Variants in CADPS2 observed in about 807,000 individuals in gnomAD.
CADPS2 encodes the protein calcium dependent secretion activator 2.
CADPS2 carries 93 observed loss-of-function variants against 172.5 expected under a neutral mutation model. The observed-to-expected ratio is 0.54, with a 90% CI of 0.46 to 0.64. CADPS2 has a LOEUF of 0.64. Among genes scored for constraint, CADPS2 ranks in the 30% least tolerant of loss-of-function variants. The pLI is 0.00. For synonymous variants in CADPS2, 546 were observed against 555.2 expected, an observed-to-expected ratio of 0.98 and a Z score of 0.23; for missense variants, 1,420 against 1,565.9, an observed-to-expected ratio of 0.91 and a Z score of 1.57.
chr7:122,728,685 T>C (rs188934489), intron 2 of CADPS2, among the ~76,000 whole-genome samples: 3 of 151,826 alleles, frequency 2.0e-5, no homozygotes, highest in East Asian at 3.9e-4. Context: ...CAGACACTTG[T>C]GCAACTGGAG....
chr7:122,347,045 T>C (rs1315336555), intron 27 of CADPS2, among the ~76,000 whole-genome samples: 1 of 152,166 alleles, frequency 6.6e-6, no homozygotes, highest in Admixed American at 6.6e-5. Context: ...TAATGATAGG[T>C]AGGTAGAACT....
chr7:122,745,535 T>A, intron 1 of CADPS2, among the ~76,000 whole-genome samples: 1 of 151,492 alleles, frequency 6.6e-6, no homozygotes, highest in Non-Finnish European at 1.5e-5. Context: ...TTGTAGGCAT[T>A]TATTTGCTTA....
intron 1 of CADPS2, among the ~76,000 whole-genome samples, chr7:122,762,963 G>A (rs775261888): frequency 7.2e-5 from 11 of 152,064 alleles, no homozygotes; most frequent in Non-Finnish European, 1.2e-4. Context: ...AAAGCAAAAG[G>A]AAATTTCAGG....
In CADPS2 at chr7:122,886,178, CCGCGCCGCCGCCGCCCGCG is replaced by C; in HGVS notation, c.141_159del (p.Ala48ProfsTer4). The stretch of plus-strand genomic sequence containing the variant: ...GAGGGGCTCGGGCTCACAGATCTGG[CCGCGCCGCCGCCGCCCGCG>C]CGCCCCGGCGCGTCCCGCCGCCCTT... On this transcript the variant is annotated frameshift_variant, in exon 1 of 30. Coordinates refer to ENST00000449022, the MANE Select transcript of CADPS2 (RefSeq NM_017954.11). LOFTEE classifies it high-confidence loss of function. The C allele has an allele frequency of 6.8e-7, 1 of 1,479,258 alleles. No homozygotes were observed. Among genetic ancestry groups the C allele is most frequent in the Non-Finnish European group, 8.9e-7 (1 of 1,123,334 alleles). 91.6% of individuals were successfully genotyped at this position (1,479,258 alleles called of 1,614,324 possible).
At chr7:122,670,894 A>G (rs1389928552) in intron 2 of CADPS2, among the ~76,000 whole-genome samples, 1 of 151,194 alleles carries the variant, frequency 6.6e-6, no homozygotes, top group Non-Finnish European at 1.5e-5. Context: ...AAAGTCCCAA[A>G]CTTCTTCTCT....
intron 1 of CADPS2, among the ~76,000 whole-genome samples, chr7:122,780,549 T>C (rs1289942255): frequency 2.0e-5 from 3 of 151,966 alleles, no homozygotes; most frequent in African/African-American, 7.3e-5. Flanking sequence ...CCATTCTGGG[T>C]TTGTTTGTTT....
chr7:122,525,587 C>T (rs1399490970), intron 8 of CADPS2, among the ~76,000 whole-genome samples: 1 of 152,148 alleles, frequency 6.6e-6, no homozygotes, highest in Non-Finnish European at 1.5e-5. Flanking sequence ...GCCCTGCTCC[C>T]TTGTGTTTAA....
intron 2 of CADPS2, among the ~76,000 whole-genome samples, chr7:122,672,307 C>T (rs796356656): frequency 5.3e-5 from 8 of 152,254 alleles, no homozygotes; most frequent in African/African-American, 1.7e-4. Flanking sequence ...GGTCTCCAGG[C>T]GTCGGTGGTC....
At chr7:122,855,347 T>C (rs918483953) in intron 1 of CADPS2, among the ~76,000 whole-genome samples, 1 of 152,240 alleles carries the variant, frequency 6.6e-6, no homozygotes, top group African/African-American at 2.4e-5. Context: ...CATTACCTGA[T>C]ACAATAAGGT....
chr7:122,624,721 A>G (rs999608434), intron 4 of CADPS2, among the ~76,000 whole-genome samples: 5 of 152,296 alleles, frequency 3.3e-5, no homozygotes, highest in South Asian at 2.1e-4. Context: ...TAATTCAAGA[A>G]TTCTTCACAG....
intron 1 of CADPS2, among the ~76,000 whole-genome samples, chr7:122,813,796 GATT>G (rs1800646137): frequency 6.6e-6 from 1 of 152,044 alleles, no homozygotes; most frequent in African/African-American, 2.4e-5. Context: ...TTAATGAATA[GATT>G]ATATTTATTT....
chr7:122,873,008 C>T (rs944579481), intron 1 of CADPS2, among the ~76,000 whole-genome samples: 5 of 152,020 alleles, frequency 3.3e-5, no homozygotes, highest in Admixed American at 6.6e-5. Context: ...TTGTTTCACC[C>T]TATCTGTCCC....
At chr7:122,818,937 T>C (rs2140316903) in intron 1 of CADPS2, among the ~76,000 whole-genome samples, 1 of 152,308 alleles carries the variant, frequency 6.6e-6, no homozygotes, top group Admixed American at 6.5e-5. Flanking sequence ...CGTCTTATTC[T>C]CAAAATACAT....
At chr7:122,572,381 C>T (rs958377759) in intron 7 of CADPS2, among the ~76,000 whole-genome samples, 1 of 152,084 alleles carries the variant, frequency 6.6e-6, no homozygotes, top group African/African-American at 2.4e-5. Context: ...TCCCCATCCC[C>T]ATGGAAGCAG....
At chr7:122,653,769 A>G (rs906740217) in intron 3 of CADPS2, among the ~76,000 whole-genome samples, 3 of 152,090 alleles carry the variant, frequency 2.0e-5, no homozygotes, top group African/African-American at 7.2e-5. Flanking sequence ...GTGATCCGTG[A>G]TCTTTGATGT....
intron 1 of CADPS2, among the ~76,000 whole-genome samples, chr7:122,792,586 T>C (rs539428296): frequency 3.9e-5 from 6 of 152,300 alleles, no homozygotes; most frequent in Admixed American, 3.9e-4. Context: ...TTTTAAAAAA[T>C]GCAACAGACT....
intron 8 of CADPS2, among the ~76,000 whole-genome samples, chr7:122,522,524 G>A (rs1271002804): frequency 6.6e-6 from 1 of 151,996 alleles, no homozygotes; most frequent in African/African-American, 2.4e-5. Context: ...GGGATATTTG[G>A]GATCTCCATC....
At chr7:122,391,179 C>T (rs2044322125) in intron 22 of CADPS2, among the ~76,000 whole-genome samples, 1 of 152,030 alleles carries the variant, frequency 6.6e-6, no homozygotes, top group African/African-American at 2.4e-5. Context: ...TCTGGACACT[C>T]TGACAAAGAA....
chr7:122,548,977 G>C (rs750521551), intron 8 of CADPS2, among the ~76,000 whole-genome samples: 15 of 152,108 alleles, frequency 9.9e-5, no homozygotes, highest in Non-Finnish European at 1.6e-4. Flanking sequence ...ATTAAGCAAA[G>C]GACCTAATAG....
Sources: gnomAD v4.1 joint callset for allele counts (sites outside exome capture counted in the v4.1 genomes callset) on GRCh38, gnomAD v4.1.1 for gene constraint, MANE v1.5 for transcripts, NCBI Gene and HGNC (gene_info 2026-07-23, HGNC 2026-07-21) for gene names.